TBC1D4: variants seen among roughly 807,000 people sequenced by gnomAD.
TBC1D4 encodes the protein TBC (Tre-2, BUB2, CDC16) domain-containing protein.
A neutral mutation model predicts 142.5 loss-of-function variants in TBC1D4; 121 were observed. The observed-to-expected ratio is 0.85, with a 90% CI of 0.73 to 0.99. The LOEUF is 0.99. Among genes scored for constraint, TBC1D4 ranks in the 50% least tolerant of loss-of-function variants. The pLI is 0.00. For synonymous variants in TBC1D4, 630 were observed against 628.2 expected (o/e 1.00, Z -0.04); for missense variants, 1,475 against 1,606.6 (o/e 0.92, Z 1.40).
intron 1 of TBC1D4, among the ~76,000 whole-genome samples, chr13:75,422,650 G>A (rs1886217347): frequency 6.6e-6 from 1 of 152,072 alleles, no homozygotes. Flanking sequence ...TCACTTTTAT[G>A]ATAGTGCCAG....
chr13:75,376,681 C>A (rs1043824481), intron 1 of TBC1D4, among the ~76,000 whole-genome samples: 5 of 152,200 alleles, frequency 3.3e-5, no homozygotes, highest in African/African-American at 9.6e-5. Flanking sequence ...CTGCACCTGA[C>A]CTTCTGGTGA....
At chr13:75,374,480 GGGCATAATA>G (rs1883392431) in intron 1 of TBC1D4, among the ~76,000 whole-genome samples, 1 of 152,050 alleles carries the variant, frequency 6.6e-6, no homozygotes. Context: ...GTATTTTTCA[GGGCATAATA>G]GCCTTAATTC....
At chr13:75,313,195 G>C (rs1205769192) in intron 12 of TBC1D4, among the ~76,000 whole-genome samples, 1 of 152,208 alleles carries the variant, frequency 6.6e-6, no homozygotes, top group Non-Finnish European at 1.5e-5. Context: ...GAGGAGTACA[G>C]GTTGCTTAAG....
In TBC1D4 at chr13:75,306,296, G is replaced by T; in HGVS notation, c.2752+17C>A. The T allele has an allele frequency of 6.3e-7, 1 of 1,586,692 alleles. No individual in the cohort carries two copies. Among genetic ancestry groups the T allele is most frequent in the South Asian group, 1.2e-5 (1 of 85,266 alleles). On this transcript the variant is annotated intron_variant, in intron 15 of 20. Transcript: ENST00000377636. ...TTTTCTTTAAAAAACAAAAATTACTGAGATTATCCCAAATACCTTCTTTAA... is the reference window on the plus strand; with the variant it reads ...TTTTCTTTAAAAAACAAAAATTACTTAGATTATCCCAAATACCTTCTTTAA...
At chr13:75,393,858 C>A (rs551522587) in intron 1 of TBC1D4, among the ~76,000 whole-genome samples, 1 of 149,402 alleles carries the variant, frequency 6.7e-6, no homozygotes, top group South Asian at 2.1e-4. Flanking sequence ...ACCAGGGAGA[C>A]GAAGGTTGCA....
chr13:75,327,700 G>A (rs75169380), intron 9 of TBC1D4, 52 bp downstream of exon 9: 34,954 of 1,533,466 alleles, frequency 0.023, 574 homozygotes, highest in Non-Finnish European at 0.029. Context: ...TTACCATATC[G>A]GTGCTGACTT....
At chr13:75,474,411 T>A (rs1036079995) in intron 1 of TBC1D4, among the ~76,000 whole-genome samples, 3 of 151,994 alleles carry the variant, frequency 2.0e-5, no homozygotes, top group Non-Finnish European at 4.4e-5. Context: ...TACAAAAAAT[T>A]AGCCAGGCGT....
intron 1 of TBC1D4, among the ~76,000 whole-genome samples, chr13:75,425,044 C>T (rs553707181): frequency 6.6e-6 from 1 of 151,776 alleles, no homozygotes; most frequent in East Asian, 1.9e-4. Context: ...CAAAATTACC[C>T]GAGTGAAGAG....
intron 1 of TBC1D4, among the ~76,000 whole-genome samples, chr13:75,457,279 A>G (rs577765501): frequency 6.6e-6 from 1 of 152,344 alleles, no homozygotes; most frequent in Admixed American, 6.5e-5. Flanking sequence ...TAATACTGAC[A>G]GACCTTAGGG....
intron 13 of TBC1D4, among the ~76,000 whole-genome samples, chr13:75,310,827 G>A (rs764267062): frequency 2.0e-5 from 3 of 151,972 alleles, no homozygotes; most frequent in African/African-American, 4.8e-5. Flanking sequence ...AGGGGGTCCC[G>A]GTGTCTAATG....
chr13:75,416,364 A>T (rs1044302574), intron 1 of TBC1D4, among the ~76,000 whole-genome samples: 29 of 152,336 alleles, frequency 1.9e-4, no homozygotes, highest in African/African-American at 6.5e-4. Context: ...AAAAATTTTT[A>T]ATGAAAATTA....
chr13:75,460,544 T>A (rs561720222), intron 1 of TBC1D4, among the ~76,000 whole-genome samples: 2 of 151,616 alleles, frequency 1.3e-5, no homozygotes, highest in South Asian at 4.2e-4. Flanking sequence ...AGAGATGGAG[T>A]TCAGACAAAG....
At chr13:75,460,586 G>A (rs1272967582) in intron 1 of TBC1D4, among the ~76,000 whole-genome samples, 1 of 152,128 alleles carries the variant, frequency 6.6e-6, no homozygotes, top group East Asian at 1.9e-4. Flanking sequence ...CCACGGTATG[G>A]AGCTTGAGCA....
intron 16 of TBC1D4, 100 bp downstream of exon 16, chr13:75,302,143 G>T: frequency 6.9e-7 from 1 of 1,445,230 alleles, no homozygotes; most frequent in Non-Finnish European, 9.6e-7. Flanking sequence ...ATGCCAACAG[G>T]TGCTCTTTAT....
chr13:75,375,729 T>C (rs1471984423), intron 1 of TBC1D4: 1 of 149,730 alleles, frequency 6.7e-6, no homozygotes. Flanking sequence ...GAATTAATAA[T>C]AAGAAAAAGA....
intron 1 of TBC1D4, among the ~76,000 whole-genome samples, chr13:75,432,436 T>G (rs937186060): frequency 6.6e-6 from 1 of 152,146 alleles, no homozygotes; most frequent in Non-Finnish European, 1.5e-5. Flanking sequence ...ACTGCAGGAA[T>G]GTCAACAACC....
rs542471860 is a variant in TBC1D4, at chr13:75,343,579, G to A, written c.1409-1992C>T. On this transcript the variant is annotated intron_variant, in intron 5 of 20. Coordinates refer to ENST00000377636, the MANE Select transcript of TBC1D4 (RefSeq NM_014832.5). ...GTTGCCCGGGCTGGAGTGCAATGGC[G>A]CGATCTCGACTCACCGCAACTTCCT... Among the ~76,000 whole-genome samples, 308 of 151,992 alleles carry A rather than the reference G, an allele frequency of 2.0e-3. 2 individuals carry two copies. In the South Asian group the frequency reaches 0.022, roughly 11 times the overall value.
intron 1 of TBC1D4, among the ~76,000 whole-genome samples, chr13:75,401,874 T>A (rs2138353888): frequency 6.6e-6 from 1 of 152,314 alleles, no homozygotes; most frequent in East Asian, 1.9e-4. Flanking sequence ...ATTTGTCAAA[T>A]GAATGAAGGA....
chr13:75,456,176 C>G (rs988060432), intron 1 of TBC1D4, among the ~76,000 whole-genome samples: 1 of 152,042 alleles, frequency 6.6e-6, no homozygotes, highest in African/African-American at 2.4e-5. Flanking sequence ...CCAAAACAAA[C>G]AAAGAAAGCC....
Sources: gnomAD v4.1 joint callset for allele counts (sites outside exome capture counted in the v4.1 genomes callset) on GRCh38, gnomAD v4.1.1 for gene constraint, MANE v1.5 for transcripts, NCBI Gene and HGNC (gene_info 2026-07-23, HGNC 2026-07-21) for gene names.